PIWIL1: variants seen among roughly 807,000 people sequenced by gnomAD.
PIWIL1 encodes piwi-like protein 1.
A neutral mutation model predicts 114.4 loss-of-function variants in PIWIL1; 73 were observed. The observed-to-expected ratio is 0.64, with a 90% confidence interval of 0.53 to 0.78. The LOEUF is 0.78. Among genes scored for constraint, PIWIL1 ranks in the 30% least tolerant of loss-of-function variants. The pLI is 0.00. For missense variants in PIWIL1, 723 were observed against 1,063.1 expected (o/e 0.68, Z 4.45); for synonymous variants, 375 against 369.0 (o/e 1.02, Z -0.19).
intron 10 of PIWIL1, 77 bp from the exon 11 acceptor site, chr12:130,354,811 C>A: frequency 7.2e-7 from 1 of 1,380,680 alleles, no homozygotes; most frequent in Non-Finnish European, 1.0e-6. Context: ...TTCCCACTCA[C>A]CATCACCCTA....
At chr12:130,411,721 A>G in the PIWIL1 span, among the ~76,000 whole-genome samples, 1 of 152,178 alleles carries the variant, frequency 6.6e-6, no homozygotes, top group African/African-American at 2.4e-5. Flanking sequence ...AAAGGGCTCA[A>G]AGATCTTCGA....
At chr12:130,396,249 T>C in the PIWIL1 span, 1 of 152,666 alleles carries the variant, frequency 6.6e-6, no homozygotes, top group Non-Finnish European at 1.5e-5. Flanking sequence ...ATCTACCACA[T>C]ACTATTATAT....
At chr12:130,366,166 A>T (rs1216480006) in intron 18 of PIWIL1, among the ~76,000 whole-genome samples, 1 of 152,162 alleles carries the variant, frequency 6.6e-6, no homozygotes, top group Non-Finnish European at 1.5e-5. Context: ...GGTGCTAATA[A>T]TCATGTTTAT....
chr12:130,342,382 G>A, intron 1 of PIWIL1, 198 bp from the exon 2 acceptor site: 2 of 595,850 alleles, frequency 3.4e-6, no homozygotes, highest in Non-Finnish European at 6.1e-6. Flanking sequence ...GCAGTGCCCA[G>A]TGCAAGGTAA....
At position 130,343,010 on chromosome 12, in the gene PIWIL1, T is replaced by G; in HGVS notation, c.99T>G (p.Ile33Met). ...GSTASQQPGY[I>M]QPRPQPPPAE... ...TACAGAGTCAGCAACCTGGTTATATTCAGCCTAGGCCTCAGCCGCCACCAG... is the reference window on the plus strand; with the variant it reads ...TACAGAGTCAGCAACCTGGTTATATGCAGCCTAGGCCTCAGCCGCCACCAG... The change falls in exon 3 of 21, where the codon ATT (isoleucine) becomes ATG (methionine). Residue 33 changes from isoleucine (I) to methionine (M), a missense_variant. By Grantham distance (10) the Ile-to-Met change is conservative. This residue lies in a region of PIWIL1 where 91 missense variants were observed against 76.2 expected (regional missense o/e 1.19). Transcript: ENST00000245255. 2 of 1,614,112 alleles carry G rather than the reference T, an allele frequency of 1.2e-6. No homozygotes were observed. The highest frequency in any genetic ancestry group is 1.7e-6 in the Non-Finnish European group (2 of 1,179,934).
chr12:130,395,377 A>T, the PIWIL1 span, among the ~76,000 whole-genome samples: 1 of 152,164 alleles, frequency 6.6e-6, no homozygotes, highest in Non-Finnish European at 1.5e-5. Context: ...TGAGTAATTA[A>T]ATGTGACTTA....
At chr12:130,384,018 G>A in the PIWIL1 span, 1 of 152,108 alleles carries the variant, frequency 6.6e-6, no homozygotes, top group African/African-American at 2.4e-5. Flanking sequence ...CTTTTAATGA[G>A]TGCATAGTCT....
chr12:130,339,477 C>T (rs1316681558), intron 1 of PIWIL1: 1 of 152,278 alleles, frequency 6.6e-6, no homozygotes, highest in African/African-American at 2.4e-5. Context: ...CGGCGTGGTC[C>T]TGAGCTCAGC....
At chr12:130,422,501 C>G in the PIWIL1 span, 8 of 1,613,222 alleles carry the variant, frequency 5.0e-6, no homozygotes, top group Admixed American at 1.7e-5. The surrounding 1 kb of genome is among the most constrained non-coding windows in gnomAD (Gnocchi z 5.2). Context: ...CCAGCGCTGC[C>G]ACGGGGAAAC....
chr12:130,376,730 C>T (rs1411331263), downstream of PIWIL1, among the ~76,000 whole-genome samples: 1 of 152,222 alleles, frequency 6.6e-6, no homozygotes, highest in East Asian at 1.9e-4. Flanking sequence ...TCAGCCTAGC[C>T]TTCCTAACCC....
At chr12:130,424,320 A>G in the PIWIL1 span, 5 of 1,231,076 alleles carry the variant, frequency 4.1e-6, no homozygotes, top group Non-Finnish European at 5.1e-6. This position sits in a 1 kb window ranked among gnomAD's most constrained non-coding sequence, Gnocchi z 9.8. Flanking sequence ...GTCGTTCCTG[A>G]GGAGGCCACC....
At chr12:130,358,168 G>A (rs556350038) in intron 14 of PIWIL1, among the ~76,000 whole-genome samples, 2 of 152,316 alleles carry the variant, frequency 1.3e-5, no homozygotes, top group South Asian at 4.1e-4. Flanking sequence ...GTCCCGAAGA[G>A]CCCATATGCC....
chr12:130,412,768 G>T, the PIWIL1 span: 4 of 1,613,560 alleles, frequency 2.5e-6, no homozygotes, highest in African/African-American at 1.3e-5. Context: ...GAATCCATCA[G>T]CGTCTTTATC....
the PIWIL1 span, chr12:130,383,475 C>G: frequency 1.3e-5 from 2 of 152,182 alleles, no homozygotes; most frequent in Non-Finnish European, 2.9e-5. Flanking sequence ...TACAGGAAAG[C>G]CAAGGTAAAA....
intron 9 of PIWIL1, among the ~76,000 whole-genome samples, chr12:130,350,566 G>T (rs2136145593): frequency 6.6e-6 from 1 of 152,312 alleles, no homozygotes; most frequent in East Asian, 1.9e-4. Context: ...TTGACTAGAA[G>T]AAACTGAACT....
chr12:130,392,742 G>C, the PIWIL1 span, among the ~76,000 whole-genome samples: 1 of 56,360 alleles, frequency 1.8e-5, no homozygotes, highest in South Asian at 6.2e-4. Flanking sequence ...ACGTGTGTCC[G>C]TCAGTTACCT....
the PIWIL1 span, chr12:130,399,189 T>C: frequency 8.0e-7 from 1 of 1,254,210 alleles, no homozygotes; most frequent in Non-Finnish European, 1.0e-6. Flanking sequence ...AGCAAAGAAA[T>C]AAAAATATAT....
the PIWIL1 span, chr12:130,397,786 C>T: frequency 1.3e-3 from 439 of 331,300 alleles, no homozygotes; most frequent in Non-Finnish European, 2.1e-3. Flanking sequence ...GCGGGGTGGC[C>T]GTTGCTTTGG....
At chr12:130,423,901 C>T in the PIWIL1 span, among the ~76,000 whole-genome samples, 2 of 152,204 alleles carry the variant, frequency 1.3e-5, no homozygotes, top group African/African-American at 4.8e-5. Flanking sequence ...TTCAAGCAGC[C>T]ATACTCATTA....
Sources: allele counts gnomAD v4.1 joint callset (sites outside exome capture counted in the v4.1 genomes callset), GRCh38; gene constraint gnomAD v4.1.1; regional missense constraint gnomAD v4.1.1; non-coding constraint Gnocchi (gnomAD v3.1); transcripts MANE v1.5; gene names NCBI Gene and HGNC (gene_info 2026-07-23, HGNC 2026-07-21).